Variants in MPP7 observed in about 807,000 individuals in gnomAD.
The protein encoded by MPP7 is MAGUK p55 scaffold protein 7.
Under a neutral mutation model 76.5 loss-of-function variants are expected in MPP7, and 60 were observed. The ratio of observed to expected loss-of-function variants is 0.78; its 90% CI spans 0.64 to 0.97. MPP7 has a LOEUF of 0.97. Among genes scored for constraint, MPP7 ranks in the 50% least tolerant of loss-of-function variants. The probability of loss-of-function intolerance (pLI) is 0.00; values close to 1 mark genes in which losing one functional copy is unlikely to be tolerated. For synonymous variants in MPP7, 237 were observed against 244.5 expected, an observed-to-expected ratio of 0.97 and a Z score of 0.29; for missense variants, 641 against 694.0, an observed-to-expected ratio of 0.92 and a Z score of 0.86.
chr10:28,310,244 A>C (rs1365339891), intron 2 of MPP7, among the ~76,000 whole-genome samples: 1 of 152,046 alleles, frequency 6.6e-6, no homozygotes, highest in Non-Finnish European at 1.5e-5. Context: ...TCAGGTGAGC[A>C]GCCCACATCG....
chr10:28,125,159 T>C, intron 6 of MPP7, 68 bp from the exon 7 acceptor site: 1 of 1,304,100 alleles, frequency 7.7e-7, no homozygotes, highest in Non-Finnish European at 1.1e-6. Flanking sequence ...AAGGAGGAAA[T>C]AAGGACATTC....
chr10:28,195,032 TAA>T (rs1263665310), intron 3 of MPP7, among the ~76,000 whole-genome samples: 1 of 152,138 alleles, frequency 6.6e-6, no homozygotes, highest in African/African-American at 2.4e-5. Flanking sequence ...TTCTACAAAG[TAA>T]AGTTTATTAA....
intron 3 of MPP7, among the ~76,000 whole-genome samples, chr10:28,183,702 A>T (rs553676358): frequency 6.6e-6 from 1 of 152,318 alleles, no homozygotes; most frequent in African/African-American, 2.4e-5. Flanking sequence ...AGGGAGGATC[A>T]TTGAGCCCAA....
intron 11 of MPP7, among the ~76,000 whole-genome samples, chr10:28,108,250 C>T (rs1834383386): frequency 1.3e-5 from 2 of 152,114 alleles, no homozygotes; most frequent in African/African-American, 4.8e-5. Flanking sequence ...AGAGAAAATA[C>T]ACAGTAAATA....
intron 1 of MPP7, among the ~76,000 whole-genome samples, chr10:28,285,215 G>A (rs1254615636): frequency 6.6e-6 from 1 of 152,018 alleles, no homozygotes; most frequent in African/African-American, 2.4e-5. Context: ...ATGAAGTTTC[G>A]CTCTTGTTGC....
chr10:28,063,427 A>T (rs1170178539), intron 13 of MPP7, among the ~76,000 whole-genome samples: 1 of 151,432 alleles, frequency 6.6e-6, no homozygotes, highest in East Asian at 1.9e-4. Context: ...ACACCACTGC[A>T]CTTCAGCCTG....
intron 2 of MPP7, among the ~76,000 whole-genome samples, chr10:28,233,008 G>T (rs2134117764): frequency 6.6e-6 from 1 of 152,190 alleles, no homozygotes. Context: ...ACTAATATAG[G>T]TATTATGCAG....
chr10:28,069,687 G>A, intron 13 of MPP7, 85 bp downstream of exon 13: 1 of 1,130,020 alleles, frequency 8.8e-7, no homozygotes, highest in Non-Finnish European at 1.2e-6. Flanking sequence ...TTAAAAACAA[G>A]TTAAAAATTT....
At chr10:28,161,041 T>C (rs1252209845) in intron 3 of MPP7, among the ~76,000 whole-genome samples, 2 of 152,208 alleles carry the variant, frequency 1.3e-5, no homozygotes, top group Non-Finnish European at 2.9e-5. Context: ...CTGCCACCGT[T>C]AGCGCATTTA....
At position 28,252,065 on chromosome 10, in the gene MPP7, A is replaced by G. The variant is rs528942108; in HGVS notation, c.-131-13330T>C. Among the ~76,000 whole-genome samples the G allele has an allele frequency of 2.0e-5, 3 of 152,278 alleles. No homozygotes were observed. The South Asian group carries it at 6.2e-4, about 32-fold the overall frequency. ...GACTACACTTGAGACAAGACAACAGACCTCAAATTATCGGTTACTGCCAAA... is the reference window on the plus strand; with the variant it reads ...GACTACACTTGAGACAAGACAACAGGCCTCAAATTATCGGTTACTGCCAAA... On this transcript the variant is annotated intron_variant, in intron 1 of 16. Coordinates refer to ENST00000683449, the MANE Select transcript of MPP7 (RefSeq NM_001318170.2).
chr10:28,198,572 C>T (rs1212433380), intron 3 of MPP7, among the ~76,000 whole-genome samples: 5 of 126,412 alleles, frequency 4.0e-5, no homozygotes, highest in Non-Finnish European at 6.3e-5. Flanking sequence ...AAAACTCTGT[C>T]TCAGAGAATT....
At chr10:28,192,239 C>A (rs535764719) in intron 3 of MPP7, among the ~76,000 whole-genome samples, 2 of 152,242 alleles carry the variant, frequency 1.3e-5, no homozygotes, top group Admixed American at 1.3e-4. Flanking sequence ...GAAAAGATGT[C>A]TGTTTTCACC....
chr10:28,162,714 G>T (rs1284319496), intron 3 of MPP7, among the ~76,000 whole-genome samples: 2 of 152,088 alleles, frequency 1.3e-5, no homozygotes, highest in African/African-American at 4.8e-5. Context: ...TCCTTGTTGG[G>T]GGGTTGAACC....
intron 2 of MPP7, among the ~76,000 whole-genome samples, chr10:28,313,295 C>G (rs892439059): frequency 6.6e-6 from 1 of 152,124 alleles, no homozygotes; most frequent in African/African-American, 2.4e-5. Flanking sequence ...CACTTGAGGT[C>G]AGGAGTTGGA....
At chr10:28,196,703 T>C (rs1247912762) in intron 3 of MPP7, among the ~76,000 whole-genome samples, 1 of 152,144 alleles carries the variant, frequency 6.6e-6, no homozygotes, top group Non-Finnish European at 1.5e-5. Context: ...GTTGGTGGCT[T>C]ACAACAGGAG....
intron 11 of MPP7, chr10:28,118,396 T>A (rs1834725015): frequency 2.0e-6 from 2 of 981,338 alleles, no homozygotes; most frequent in Non-Finnish European, 2.4e-6. Context: ...TGAGTATGGA[T>A]CCAGATTCGA....
intron 11 of MPP7, among the ~76,000 whole-genome samples, chr10:28,114,272 G>A (rs1229915437): frequency 1.3e-5 from 2 of 152,050 alleles, no homozygotes; most frequent in African/African-American, 4.8e-5. Flanking sequence ...ATTAGCTGGG[G>A]GTGGTGGCGC....
intron 11 of MPP7, among the ~76,000 whole-genome samples, chr10:28,112,593 C>A (rs1458509634): frequency 6.6e-6 from 1 of 152,096 alleles, no homozygotes. Flanking sequence ...TATAACCACA[C>A]ACATATATTC....
intron 2 of MPP7, among the ~76,000 whole-genome samples, chr10:28,230,660 A>T (rs1281940468): frequency 6.6e-6 from 1 of 152,106 alleles, no homozygotes; most frequent in Non-Finnish European, 1.5e-5. Flanking sequence ...CAAAAAAAAT[A>T]CAAAAAATTA....
Sources: allele counts gnomAD v4.1 joint callset (sites outside exome capture counted in the v4.1 genomes callset), GRCh38; gene constraint gnomAD v4.1.1; transcripts MANE v1.5; gene names NCBI Gene and HGNC (gene_info 2026-07-23, HGNC 2026-07-21).